UBTD2: variants seen among roughly 807,000 people sequenced by gnomAD.
UBTD2 encodes ubiquitin domain-containing protein 2.
In UBTD2, 9 loss-of-function variants were observed where a neutral mutation model predicts 19.8. The observed-to-expected ratio is 0.46, with a 90% confidence interval of 0.27 to 0.79. The LOEUF (loss-of-function observed/expected upper bound fraction) is 0.79. UBTD2 is among the 30% of genes least tolerant of loss of function. The probability of loss-of-function intolerance (pLI) is 0.14; values close to 1 mark genes in which losing one functional copy is unlikely to be tolerated. For synonymous variants in UBTD2, 98 were observed against 103.9 expected (o/e 0.94, Z 0.35); for missense variants, 250 against 300.4 (o/e 0.83, Z 1.24).
At chr5:172,254,502 T>C in intron 1 of UBTD2, 1 of 555,126 alleles carries the variant, frequency 1.8e-6, no homozygotes, top group Non-Finnish European at 3.3e-6. Flanking sequence ...TTTTAGTTCA[T>C]CAGACCGAGC....
intron 1 of UBTD2, among the ~76,000 whole-genome samples, chr5:172,239,802 G>T (rs997318420): frequency 6.6e-6 from 1 of 151,888 alleles, no homozygotes; most frequent in African/African-American, 2.4e-5. Context: ...TACTCGGCAG[G>T]CTGAGGCAGG....
At chr5:172,226,218 A>G (rs1385461847) in intron 2 of UBTD2, among the ~76,000 whole-genome samples, 1 of 152,210 alleles carries the variant, frequency 6.6e-6, no homozygotes, top group Non-Finnish European at 1.5e-5. Flanking sequence ...CTTAAATGAC[A>G]GAATGAATGC....
At chr5:172,271,155 G>C (rs907089568) in intron 1 of UBTD2, among the ~76,000 whole-genome samples, 3 of 151,984 alleles carry the variant, frequency 2.0e-5, no homozygotes, top group Non-Finnish European at 2.9e-5. Flanking sequence ...CTTGGGCTGG[G>C]CGCAGTGGCT....
chr5:172,237,227 G>A (rs1419269118), intron 1 of UBTD2, among the ~76,000 whole-genome samples: 1 of 152,122 alleles, frequency 6.6e-6, no homozygotes, highest in East Asian at 1.9e-4. Context: ...TCGAGTAGCT[G>A]GGACTACAGG....
chr5:172,258,722 T>C (rs2113090884), intron 1 of UBTD2, among the ~76,000 whole-genome samples: 1 of 152,300 alleles, frequency 6.6e-6, no homozygotes, highest in South Asian at 2.1e-4. Flanking sequence ...GCAGCTACTG[T>C]GAACAGAACT....
intron 1 of UBTD2, among the ~76,000 whole-genome samples, chr5:172,273,290 C>CG (rs1399954725): frequency 8.0e-6 from 1 of 124,746 alleles, no homozygotes; most frequent in Non-Finnish European, 1.7e-5. Flanking sequence ...CTGCAAGATT[C>CG]TTTTTAAAAA....
chr5:172,266,193 AG>A (rs938309556), intron 1 of UBTD2, among the ~76,000 whole-genome samples: 3 of 152,090 alleles, frequency 2.0e-5, no homozygotes, highest in Non-Finnish European at 2.9e-5. Flanking sequence ...GGCCTCCGAA[AG>A]TGCTGGGATT....
chr5:172,271,298 A>G (rs950052110), intron 1 of UBTD2, among the ~76,000 whole-genome samples: 3 of 152,010 alleles, frequency 2.0e-5, no homozygotes, highest in Non-Finnish European at 4.4e-5. Flanking sequence ...GCGTGGTGGC[A>G]GGCGCTTGTA....
chr5:172,252,119 T>A (rs1057335416), intron 1 of UBTD2, among the ~76,000 whole-genome samples: 1 of 152,234 alleles, frequency 6.6e-6, no homozygotes, highest in African/African-American at 2.4e-5. Context: ...AAACCAACAC[T>A]GACTCCAAAG....
At chr5:172,220,495 C>A (rs913528592) in intron 2 of UBTD2, among the ~76,000 whole-genome samples, 1 of 152,068 alleles carries the variant, frequency 6.6e-6, no homozygotes, top group Non-Finnish European at 1.5e-5. Context: ...ACTAGCCGAG[C>A]GTGGTGGCAC....
chr5:172,262,098 C>A (rs891921102), intron 1 of UBTD2, among the ~76,000 whole-genome samples: 3 of 152,166 alleles, frequency 2.0e-5, no homozygotes, highest in Non-Finnish European at 4.4e-5. Flanking sequence ...GTTTCCTCCA[C>A]TATAAGATGG....
rs1007436338 is a variant in UBTD2, at chr5:172,283,624, G to A, written c.42C>T (p.Ser14=). 3.9e-5 allele frequency: 51 copies of A among 1,297,574 alleles called. No individual in the cohort carries two copies. The highest frequency in any genetic ancestry group is 4.7e-5 in the Non-Finnish European group (48 of 1,014,740). The allele number at this position is 1,297,574 out of a possible 1,614,324, so 80.4% of individuals were successfully genotyped here. The part of the protein sequence containing the change: ...CVGAQHDSSG[S]LNENSEGTGV... ...CGGTGCCCTCCGAGTTCTCGTTGAG[G>A]CTGCCCGAGGAGTCGTGCTGGGCGC... Residue 14 remains serine (S), a synonymous_variant, in exon 1 of 3, where the codon AGC becomes AGT. Transcript: ENST00000393792. The surrounding 1 kb of genome is among the most constrained non-coding windows in gnomAD (Gnocchi z 4.3).
chr5:172,272,226 T>A (rs1013401313), intron 1 of UBTD2, among the ~76,000 whole-genome samples: 1 of 152,204 alleles, frequency 6.6e-6, no homozygotes, highest in South Asian at 2.1e-4. Flanking sequence ...CAAACTTGAT[T>A]CTTGCTGACG....
At chr5:172,231,835 A>T (rs1771907066) in intron 2 of UBTD2, among the ~76,000 whole-genome samples, 2 of 152,200 alleles carry the variant, frequency 1.3e-5, no homozygotes, top group Admixed American at 1.3e-4. Context: ...CCTTCCCGTT[A>T]TATTATATAA....
In UBTD2 at chr5:172,283,218, C is replaced by CT. The variant is rs1413678570; in HGVS notation, c.70+377dup. 6.6e-5 allele frequency among the ~76,000 whole-genome samples: 10 copies of CT among 152,126 alleles called. No homozygotes were observed. The highest frequency in any genetic ancestry group is 1.3e-4 in the Non-Finnish European group (9 of 68,014). On this transcript the variant is annotated intron_variant, in intron 1 of 2. Coordinates refer to ENST00000393792, the MANE Select transcript of UBTD2 (RefSeq NM_152277.3). The surrounding 1 kb of genome is among the most constrained non-coding windows in gnomAD (Gnocchi z 4.3). Reference sequence around the variant, plus strand: ...GGCCCGTCGGAGGGAACGCATCAAGCTCCCTCCCCCCGCCATCAATTCGCT... The same window carrying CT: ...GGCCCGTCGGAGGGAACGCATCAAGCTTCCCTCCCCCCGCCATCAATTCGCT...
intron 1 of UBTD2, among the ~76,000 whole-genome samples, chr5:172,238,143 T>C (rs747444778): frequency 6.6e-6 from 1 of 152,224 alleles, no homozygotes; most frequent in African/African-American, 2.4e-5. Context: ...GTAGAATATA[T>C]ACATACTCAA....
At chr5:172,224,304 T>C (rs1771718147) in intron 2 of UBTD2, among the ~76,000 whole-genome samples, 1 of 148,832 alleles carries the variant, frequency 6.7e-6, no homozygotes, top group African/African-American at 2.5e-5. Context: ...ATTTCTTTTT[T>C]TTTTTTTTTT....
chr5:172,261,326 G>A (rs180726370), intron 1 of UBTD2, among the ~76,000 whole-genome samples: 1 of 152,280 alleles, frequency 6.6e-6, no homozygotes, highest in African/African-American at 2.4e-5. Context: ...ACTCCACTAA[G>A]TGACTGAAGA....
intron 1 of UBTD2, among the ~76,000 whole-genome samples, chr5:172,266,436 T>C (rs1284602147): frequency 6.6e-6 from 1 of 151,876 alleles, no homozygotes; most frequent in Non-Finnish European, 1.5e-5. Context: ...CAGGTCCTTC[T>C]TGGCATGCCA....
Sources: gnomAD v4.1 joint callset for allele counts (sites outside exome capture counted in the v4.1 genomes callset) on GRCh38, gnomAD v4.1.1 for gene constraint, Gnocchi (gnomAD v3.1) non-coding constraint, MANE v1.5 for transcripts, NCBI Gene and HGNC (gene_info 2026-07-23, HGNC 2026-07-21) for gene names.